The following RAB27B variants were observed in gnomAD, a reference collection of about 807,000 sequenced individuals.
The protein encoded by RAB27B is ras-related protein Rab-27B.
In RAB27B, 15 loss-of-function variants were observed where a neutral mutation model predicts 24.6. The ratio of observed to expected loss-of-function variants is 0.61; its 90% CI spans 0.41 to 0.94. The LOEUF is 0.94. RAB27B is among the 40% of genes least tolerant of loss of function. The pLI is 0.00. For synonymous variants in RAB27B, 105 were observed against 92.5 expected (o/e 1.14, Z -0.78); for missense variants, 261 against 266.8 (o/e 0.98, Z 0.15).
chr18:54,737,130 A>C (rs1432089292), intron 2 of RAB27B, among the ~76,000 whole-genome samples: 1 of 152,006 alleles, frequency 6.6e-6, no homozygotes, highest in East Asian at 1.9e-4. Context: ...GGAAAAAAAA[A>C]CTACTTACAT....
intron 1 of RAB27B, among the ~76,000 whole-genome samples, chr18:54,844,651 C>T (rs1396289969): frequency 6.6e-6 from 1 of 152,050 alleles, no homozygotes; most frequent in African/African-American, 2.4e-5. Context: ...AAATGATGTG[C>T]ATACCTTGGC....
chr18:54,769,778 A>C (rs1426724379), intron 2 of RAB27B, among the ~76,000 whole-genome samples: 1 of 152,182 alleles, frequency 6.6e-6, no homozygotes, highest in Non-Finnish European at 1.5e-5. Flanking sequence ...TTTCTAGTTA[A>C]GTAGTCCCTT....
Position 54,729,069 on chromosome 18 carries a change from T to C in RAB27B, c.-20+10928T>C, listed in dbSNP as rs1909647314. ...ATAAAACTATTAAAAACAAAAAGCA[T>C]AACATTGCCTGATGGACTTTTTCAC... On this transcript the variant is annotated intron_variant, in intron 2 of 4. Coordinates refer to the RAB27B transcript ENST00000586570. Among the ~76,000 whole-genome samples, 3 of 152,030 alleles carry C rather than the reference T, an allele frequency of 2.0e-5. No homozygotes were observed. The South Asian group carries it at 6.2e-4, about 32-fold the overall frequency.
At chr18:54,775,522 T>G (rs1000663289) in intron 2 of RAB27B, among the ~76,000 whole-genome samples, 3 of 152,220 alleles carry the variant, frequency 2.0e-5, no homozygotes, top group African/African-American at 7.2e-5. Flanking sequence ...TGTCATGTTT[T>G]GCCTCCTGGC....
chr18:54,746,282 T>C (rs1469580066), intron 2 of RAB27B, among the ~76,000 whole-genome samples: 2 of 152,178 alleles, frequency 1.3e-5, no homozygotes, highest in Non-Finnish European at 2.9e-5. Flanking sequence ...AGACTCCTAA[T>C]TGCCGGTCGG....
intron 1 of RAB27B, among the ~76,000 whole-genome samples, chr18:54,852,293 G>A (rs1346820530): frequency 6.6e-6 from 1 of 152,112 alleles, no homozygotes; most frequent in African/African-American, 2.4e-5. Context: ...GGAGGGATCT[G>A]AGGCCCAGGT....
intron 1 of RAB27B, among the ~76,000 whole-genome samples, chr18:54,866,487 G>C (rs1436757787): frequency 6.6e-6 from 1 of 152,180 alleles, no homozygotes; most frequent in Non-Finnish European, 1.5e-5. Flanking sequence ...CAGTAGAGAC[G>C]GGGTTTCACC....
chr18:54,879,257 C>T, intron 2 of RAB27B, 112 bp from the exon 3 acceptor site: 1 of 794,006 alleles, frequency 1.3e-6, no homozygotes, highest in South Asian at 1.4e-5. Context: ...TTATTCTGCA[C>T]TATGAACTTT....
At chr18:54,837,876 C>T (rs1910957712) in intron 1 of RAB27B, among the ~76,000 whole-genome samples, 1 of 152,032 alleles carries the variant, frequency 6.6e-6, no homozygotes, top group Non-Finnish European at 1.5e-5. Flanking sequence ...GGGGCAATCA[C>T]TAAGTAATGT....
chr18:54,876,904 C>G (rs61374211), intron 1 of RAB27B, among the ~76,000 whole-genome samples: 10,017 of 152,078 alleles, frequency 0.066, 1,121 homozygotes, highest in African/African-American at 0.23. Flanking sequence ...CCCAAATGCA[C>G]TGGTTTTAAA....
Position 54,804,164 on chromosome 18 carries a change from A to G in RAB27B, c.-19-73403A>G, listed in dbSNP as rs78812873. Among the ~76,000 whole-genome samples the G allele has an allele frequency of 6.2e-4, 95 of 152,332 alleles. No individual in the cohort carries two copies. In the East Asian group the frequency reaches 9.7e-3, roughly 15 times the overall value. On this transcript the variant is annotated intron_variant, in intron 2 of 4. Coordinates refer to the RAB27B transcript ENST00000586570. ...TCCATGAGATGCCTATGCACATTAA[A>G]GTTTGACTTCTAGGAAAGAGCAGCT... is the stretch of plus-strand genomic sequence containing the variant.
intron 2 of RAB27B, among the ~76,000 whole-genome samples, chr18:54,748,463 AC>A (rs1910325288): frequency 6.6e-6 from 1 of 152,082 alleles, no homozygotes; most frequent in Non-Finnish European, 1.5e-5. Context: ...TTGATTTAAA[AC>A]TCCCTAAAAC....
intron 1 of RAB27B, among the ~76,000 whole-genome samples, chr18:54,829,840 A>C (rs1301668594): frequency 1.3e-5 from 2 of 152,224 alleles, no homozygotes; most frequent in Non-Finnish European, 2.9e-5. Flanking sequence ...GTTATTTTTC[A>C]TAGTTTCCTA....
chr18:54,799,403 T>C (rs1909524931), intron 2 of RAB27B, among the ~76,000 whole-genome samples: 1 of 152,140 alleles, frequency 6.6e-6, no homozygotes, highest in Admixed American at 6.5e-5. Flanking sequence ...GGGTTAATAA[T>C]TTTGTAGGTC....
rs571201441 is a variant in RAB27B at position 54,831,985 on chromosome 18, G to A, written c.-20+3285G>A. ...GAGACGGGGTTTCACCATGTTGGTC[G>A]GGATAATCTCGATCTGCTGACCTCA... On this transcript the variant is annotated intron_variant, in intron 1 of 5. Coordinates refer to ENST00000262094, the MANE Select transcript of RAB27B (RefSeq NM_004163.4). Among the ~76,000 whole-genome samples, 17 of 152,170 alleles carry A rather than the reference G, an allele frequency of 1.1e-4. 1 individual carries two copies. The highest frequency in any genetic ancestry group is 1.0e-4 in the Non-Finnish European group (7 of 67,996).
At chr18:54,718,840 G>A (rs570311913) in intron 2 of RAB27B, among the ~76,000 whole-genome samples, 2 of 152,286 alleles carry the variant, frequency 1.3e-5, no homozygotes, top group East Asian at 3.9e-4. Flanking sequence ...CAAATCAATT[G>A]AAGGTGCTTT....
In RAB27B at chr18:54,890,586, C is replaced by CAAT. The variant is rs1286246060; in HGVS notation, c.*1176_*1178dup. ...AATGCAGGTGTGTTACTTTGTTGAT[C>CAAT]AATAACTTTGGAACAATTATGGATC... On this transcript the variant is annotated 3_prime_UTR_variant, in exon 6 of 6. Transcript: ENST00000262094. 6.6e-6 allele frequency: 1 copy of CAAT among 152,154 alleles called. No homozygotes were observed. The highest frequency in any genetic ancestry group is 2.4e-5 in the African/African-American group (1 of 41,448). The allele number at this position is 152,154 out of a possible 1,614,324, so 9.4% of individuals were successfully genotyped here.
In RAB27B at chr18:54,756,999, C is replaced by T. The variant is rs1016400727; in HGVS notation, c.-20+38858C>T. 3.3e-5 allele frequency among the ~76,000 whole-genome samples: 5 copies of T among 152,106 alleles called. No homozygotes were observed. In the East Asian group the frequency reaches 9.6e-4, roughly 29 times the overall value. ...GTATGGGGTTCAGATAGTATGACAC[C>T]TGCAATGATCGCTAGAGGTCTGGAT... On this transcript the variant is annotated intron_variant, in intron 2 of 4. Coordinates refer to the RAB27B transcript ENST00000586570.
At chr18:54,830,391 C>T (rs1209389462) in intron 1 of RAB27B, among the ~76,000 whole-genome samples, 1 of 152,176 alleles carries the variant, frequency 6.6e-6, no homozygotes, top group Non-Finnish European at 1.5e-5. Flanking sequence ...CAGATCAGTA[C>T]GGCATGAAAT....
Sources: allele counts gnomAD v4.1 joint callset (sites outside exome capture counted in the v4.1 genomes callset), GRCh38; gene constraint gnomAD v4.1.1; transcripts MANE v1.5; gene names NCBI Gene and HGNC (gene_info 2026-07-23, HGNC 2026-07-21).